Variants in MAPK10 observed in about 807,000 individuals in gnomAD.
MAPK10 encodes JNK3 alpha protein kinase.
Under a neutral mutation model 59.3 loss-of-function variants are expected in MAPK10, and 25 were observed. That is an observed-to-expected ratio of 0.42 (90% CI 0.31 to 0.59). The LOEUF is 0.59. Among genes scored for constraint, MAPK10 ranks in the 20% least tolerant of loss-of-function variants. The probability of loss-of-function intolerance (pLI) is 0.15; values close to 1 mark genes in which losing one functional copy is unlikely to be tolerated. For synonymous variants in MAPK10, 190 were observed against 200.5 expected, an observed-to-expected ratio of 0.95 and a Z score of 0.44; for missense variants, 351 against 568.9, an observed-to-expected ratio of 0.62 and a Z score of 3.90.
At chr4:86,155,190 T>A (rs912212302) in intron 4 of MAPK10, among the ~76,000 whole-genome samples, 1 of 151,764 alleles carries the variant, frequency 6.6e-6, no homozygotes, top group Non-Finnish European at 1.5e-5. Context: ...AAGGGAGAAC[T>A]TTTTTTCAAA....
intron 1 of MAPK10, among the ~76,000 whole-genome samples, chr4:86,399,582 C>T (rs998923267): frequency 6.6e-6 from 1 of 152,068 alleles, no homozygotes; most frequent in Non-Finnish European, 1.5e-5. Flanking sequence ...TATATTATGA[C>T]CATTTTGAGG....
At chr4:86,429,677 C>T (rs935645190) in intron 1 of MAPK10, 2 of 152,032 alleles carry the variant, frequency 1.3e-5, no homozygotes, top group African/African-American at 4.8e-5. Flanking sequence ...GTGGTGCATA[C>T]CTGTAGTCCC....
At chr4:86,561,699 AAGT>A (rs1760693265) in intron 1 of MAPK10, among the ~76,000 whole-genome samples, 1 of 152,256 alleles carries the variant, frequency 6.6e-6, no homozygotes, top group African/African-American at 2.4e-5. Flanking sequence ...GACAATATGA[AAGT>A]AGATGAAACA....
intron 2 of MAPK10, among the ~76,000 whole-genome samples, chr4:86,351,269 TAC>T (rs3030118): frequency 1.5e-4 from 22 of 150,386 alleles, no homozygotes; most frequent in South Asian, 6.3e-4. Context: ...TATATATATA[TAC>T]ACACACACAC....
At chr4:86,246,433 C>T (rs2093094238) in intron 2 of MAPK10, among the ~76,000 whole-genome samples, 1 of 152,104 alleles carries the variant, frequency 6.6e-6, no homozygotes, top group Non-Finnish European at 1.5e-5. Context: ...TCCATCTCAA[C>T]AACAACAGCA....
intron 3 of MAPK10, chr4:86,164,529 G>A (rs1329556241): frequency 6.6e-6 from 1 of 151,938 alleles, no homozygotes; most frequent in African/African-American, 2.4e-5. Context: ...CTAAACTTCA[G>A]GAAGAACATA....
chr4:86,102,287 C>A, intron 6 of MAPK10: 1 of 371,958 alleles, frequency 2.7e-6, no homozygotes, highest in Non-Finnish European at 4.8e-6. Context: ...TTTGCTTTCA[C>A]TTTCCCCTGT....
At chr4:86,326,624 C>G (rs1163297324) in intron 2 of MAPK10, 5 of 152,154 alleles carry the variant, frequency 3.3e-5, no homozygotes, top group Non-Finnish European at 7.3e-5. Context: ...CATCTGTAGT[C>G]AGGTTACACT....
At chr4:86,164,340 C>T (rs1440876038) in intron 3 of MAPK10, 1 of 151,992 alleles carries the variant, frequency 6.6e-6, no homozygotes, top group African/African-American at 2.4e-5. Flanking sequence ...GACAGTTTTA[C>T]CAGAAGACTT....
At chr4:86,057,598 T>G (rs1579315628) in intron 11 of MAPK10, among the ~76,000 whole-genome samples, 2 of 147,410 alleles carry the variant, frequency 1.4e-5, no homozygotes, top group African/African-American at 5.1e-5. Context: ...CAGGGACCTG[T>G]TTTTTTTTCA....
Position 86,201,814 on chromosome 4 carries a change from TTTC to T in MAPK10, c.-6-7410_-6-7408del, listed in dbSNP as rs903147224. Reference sequence around the variant, plus strand: ...TCTTTGTGAAGCTTTAAATCGTCTTTTTCTTCTTCTTTTTTTAGTGATTGTTCT... The same window carrying T: ...TCTTTGTGAAGCTTTAAATCGTCTTTTTCTTCTTTTTTTAGTGATTGTTCT... On this transcript the variant is annotated intron_variant, in intron 2 of 13. Coordinates refer to ENST00000641462, the MANE Select transcript of MAPK10 (RefSeq NM_138982.4). Among the ~76,000 whole-genome samples, 6 of 151,978 alleles carry T rather than the reference TTTC, an allele frequency of 3.9e-5. No homozygotes were observed. The South Asian group carries it at 6.2e-4, about 16-fold the overall frequency.
intron 2 of MAPK10, among the ~76,000 whole-genome samples, chr4:86,249,399 TA>T (rs1301679139): frequency 6.6e-6 from 1 of 152,162 alleles, no homozygotes; most frequent in South Asian, 2.1e-4. Context: ...CATTAGCTGC[TA>T]AAACAAGTAG....
chr4:86,454,281 G>GA (rs34307500), upstream of MAPK10, among the ~76,000 whole-genome samples: 1 of 152,236 alleles, frequency 6.6e-6, no homozygotes, highest in African/African-American at 2.4e-5. Context: ...TGATCTACCT[G>GA]AAAAAGAATT....
At chr4:86,124,872 C>T (rs1323770897) in intron 4 of MAPK10, 2 of 151,704 alleles carry the variant, frequency 1.3e-5, no homozygotes, top group Admixed American at 6.6e-5. Flanking sequence ...TTTTCTGCAT[C>T]TAAATTTGGC....
chr4:86,064,289 A>G lies in MAPK10; in HGVS notation c.1087T>C (p.Tyr363His). 1.2e-6 allele frequency: 2 copies of G among 1,614,136 alleles called. No individual in the cohort carries two copies. Among genetic ancestry groups the G allele is most frequent in the Non-Finnish European group, 1.7e-6 (2 of 1,180,014 alleles). Residue 363 changes from tyrosine (Y) to histidine (H), a missense_variant, in exon 11 of 14, where the codon TAT becomes CAT. Physicochemically the swap from Tyr to His is moderately conservative, Grantham distance 83 (BLOSUM62 2). This residue lies in a region of MAPK10 where 155 missense variants were observed against 204.2 expected (regional missense o/e 0.76). Transcript: ENST00000641462. ...ALQHPYINVW[Y>H]DPAEVEAPPP... ...ACCGCCTCCACTTCGGCTGGGTCATACCAGACGTTGATGTAGGGATGCTGT... is the reference window on the plus strand; with the variant it reads ...ACCGCCTCCACTTCGGCTGGGTCATGCCAGACGTTGATGTAGGGATGCTGT...
At chr4:86,172,511 G>A (rs1467381911) in intron 3 of MAPK10, among the ~76,000 whole-genome samples, 1 of 150,974 alleles carries the variant, frequency 6.6e-6, no homozygotes, top group Non-Finnish European at 1.5e-5. Context: ...ACTCATGGGT[G>A]GGAATTGAAC....
chr4:86,343,226 G>T (rs1726076627), intron 2 of MAPK10, among the ~76,000 whole-genome samples: 1 of 152,044 alleles, frequency 6.6e-6, no homozygotes, highest in South Asian at 2.1e-4. Context: ...ATCTGTAAAG[G>T]ACTGCTTCCT....
chr4:86,435,318 G>A (rs1245099681), intron 1 of MAPK10, among the ~76,000 whole-genome samples: 1 of 152,006 alleles, frequency 6.6e-6, no homozygotes, highest in Non-Finnish European at 1.5e-5. Flanking sequence ...CCAATATGAT[G>A]AAACCCAGTC....
intron 2 of MAPK10, among the ~76,000 whole-genome samples, chr4:86,271,760 G>A (rs565104256): frequency 1.3e-5 from 2 of 151,884 alleles, no homozygotes; most frequent in Non-Finnish European, 2.9e-5. Context: ...CAAGCAAAAG[G>A]GGGGAAAAGC....
Sources: allele counts gnomAD v4.1 joint callset (sites outside exome capture counted in the v4.1 genomes callset), GRCh38; gene constraint gnomAD v4.1.1; regional missense constraint gnomAD v4.1.1; transcripts MANE v1.5; gene names NCBI Gene and HGNC (gene_info 2026-07-23, HGNC 2026-07-21).